SH3GL3: variants seen among roughly 807,000 people sequenced by gnomAD.
SH3GL3 encodes the protein SH3 domain containing GRB2 like 3, endophilin A3, also known as endophilin-A3.
A neutral mutation model predicts 47.7 loss-of-function variants in SH3GL3; 33 were observed. That is an observed-to-expected ratio of 0.69 (90% CI 0.52 to 0.92). The LOEUF (loss-of-function observed/expected upper bound fraction) is 0.92, where lower values mean the gene tolerates loss of function less well. SH3GL3 is among the 40% of genes least tolerant of loss of function. The pLI is 0.00. For missense variants in SH3GL3, 363 were observed against 417.8 expected (o/e 0.87, Z 1.14); for synonymous variants, 155 against 148.8 (o/e 1.04, Z -0.30).
At chr15:83,521,442 G>A (rs1596169266) in intron 1 of SH3GL3, among the ~76,000 whole-genome samples, 1 of 152,288 alleles carries the variant, frequency 6.6e-6, no homozygotes, top group Non-Finnish European at 1.5e-5. Flanking sequence ...TACCTTGGAT[G>A]GTGCTGAGGA....
chr15:83,518,300 T>C (rs1263168882), intron 1 of SH3GL3, among the ~76,000 whole-genome samples: 1 of 152,258 alleles, frequency 6.6e-6, no homozygotes, highest in Non-Finnish European at 1.5e-5. Flanking sequence ...TTAAGTTCTT[T>C]GAGAAATCTC....
In SH3GL3 at chr15:83,618,038, C is replaced by T. The variant is rs1233846995; in HGVS notation, c.839-44C>T. On this transcript the variant is annotated intron_variant, in intron 8 of 8. Transcript: ENST00000427482. ...CATTTCCAATTTCCCATGGATAATCCATCATGTTCATCTGTACTTTTTGTC... is the reference window on the plus strand; with the variant it reads ...CATTTCCAATTTCCCATGGATAATCTATCATGTTCATCTGTACTTTTTGTC... 11 of 1,240,396 alleles carry T rather than the reference C, an allele frequency of 8.9e-6. No individual in the cohort carries two copies. The East Asian group carries it at 2.5e-4, about 29-fold the overall frequency. 76.8% of individuals were successfully genotyped at this position (1,240,396 alleles called of 1,614,324 possible). A position where few individuals can be genotyped will look rare whatever the true frequency, so the allele number is the denominator to read the frequency against.
chr15:83,586,432 G>A (rs142680063), intron 6 of SH3GL3, among the ~76,000 whole-genome samples: 165 of 152,300 alleles, frequency 1.1e-3, no homozygotes, highest in South Asian at 2.1e-3. Flanking sequence ...GGGAAAATAT[G>A]TTGAGTGGAT....
At chr15:83,470,029 G>C (rs959341621) in intron 1 of SH3GL3, among the ~76,000 whole-genome samples, 1 of 151,964 alleles carries the variant, frequency 6.6e-6, no homozygotes, top group African/African-American at 2.4e-5. Context: ...TGTCTACTTG[G>C]TGCACTCACT....
intron 1 of SH3GL3, among the ~76,000 whole-genome samples, chr15:83,525,452 G>T (rs1450361294): frequency 2.0e-5 from 3 of 151,604 alleles, no homozygotes; most frequent in Admixed American, 2.0e-4. Flanking sequence ...TTGTGAATAT[G>T]TTCTCCCATT....
chr15:83,544,801 AG>A (rs931856114), intron 1 of SH3GL3, among the ~76,000 whole-genome samples: 1 of 152,138 alleles, frequency 6.6e-6, no homozygotes, highest in Non-Finnish European at 1.5e-5. Flanking sequence ...ACAATATTCC[AG>A]GATAAAATCT....
At chr15:83,517,686 C>T (rs1478086978) in intron 1 of SH3GL3, among the ~76,000 whole-genome samples, 1 of 151,896 alleles carries the variant, frequency 6.6e-6, no homozygotes, top group Non-Finnish European at 1.5e-5. Flanking sequence ...GGATATAAGC[C>T]CTTGTCGGTT....
At chr15:83,540,612 GTTTTC>G (rs1267407226) in intron 1 of SH3GL3, among the ~76,000 whole-genome samples, 2 of 151,930 alleles carry the variant, frequency 1.3e-5, no homozygotes, top group African/African-American at 4.8e-5. Context: ...TGATGTTAGT[GTTTTC>G]TTTTTTTAAA....
chr15:83,587,749 T>C (rs1265213016), intron 7 of SH3GL3, among the ~76,000 whole-genome samples: 3 of 152,196 alleles, frequency 2.0e-5, no homozygotes, highest in Non-Finnish European at 4.4e-5. Context: ...GTCTATACTT[T>C]TCTGAAAATT....
chr15:83,589,893 T>C (rs1489886948), intron 8 of SH3GL3, among the ~76,000 whole-genome samples: 1 of 152,224 alleles, frequency 6.6e-6, no homozygotes, highest in African/African-American at 2.4e-5. Flanking sequence ...CCTTTATCAC[T>C]GTGCTGGCTA....
At chr15:83,565,417 G>T in intron 3 of SH3GL3, 1 of 502,366 alleles carries the variant, frequency 2.0e-6, no homozygotes, top group Non-Finnish European at 3.5e-6. Flanking sequence ...AATTTCAGTT[G>T]ACATCATCCG....
chr15:83,578,284 C>G (rs367806037), intron 6 of SH3GL3, among the ~76,000 whole-genome samples: 47 of 152,284 alleles, frequency 3.1e-4, no homozygotes, highest in African/African-American at 1.1e-3. Flanking sequence ...TGCCTCCCTC[C>G]GGAGCCCCTG....
intron 1 of SH3GL3, among the ~76,000 whole-genome samples, chr15:83,449,377 G>GTGAGC (rs1319486195): frequency 6.6e-6 from 1 of 152,102 alleles, no homozygotes. Flanking sequence ...GAGTGCTGCT[G>GTGAGC]TGAGCAGAGC....
At chr15:83,496,219 T>C (rs571300934) in intron 1 of SH3GL3, among the ~76,000 whole-genome samples, 2 of 151,546 alleles carry the variant, frequency 1.3e-5, no homozygotes, top group African/African-American at 4.8e-5. Flanking sequence ...TAGCCAGGCG[T>C]GGTGGTGCAC....
chr15:83,603,152 A>G (rs534590888), intron 8 of SH3GL3, among the ~76,000 whole-genome samples: 40 of 152,008 alleles, frequency 2.6e-4, no homozygotes, highest in Non-Finnish European at 5.0e-4. Context: ...GGCATGCACC[A>G]CCACGCCTGG....
At chr15:83,551,962 C>G (rs1193297897) in intron 1 of SH3GL3, among the ~76,000 whole-genome samples, 1 of 152,178 alleles carries the variant, frequency 6.6e-6, no homozygotes, top group Non-Finnish European at 1.5e-5. Flanking sequence ...CTTCTTATCT[C>G]CCTGGTGAAC....
chr15:83,607,631 C>T (rs555889732), intron 8 of SH3GL3, among the ~76,000 whole-genome samples: 1 of 152,150 alleles, frequency 6.6e-6, no homozygotes, highest in African/African-American at 2.4e-5. Context: ...CATAGCTAGC[C>T]TTTCTGATTT....
chr15:83,531,712 G>A (rs1251531298), intron 1 of SH3GL3, among the ~76,000 whole-genome samples: 4 of 152,168 alleles, frequency 2.6e-5, no homozygotes, highest in Non-Finnish European at 4.4e-5. Flanking sequence ...GGCTGTTAGA[G>A]CAGTTCAGAG....
intron 1 of SH3GL3, among the ~76,000 whole-genome samples, chr15:83,534,607 G>T (rs2043823589): frequency 6.6e-6 from 1 of 152,064 alleles, no homozygotes; most frequent in Non-Finnish European, 1.5e-5. Context: ...TAAGAAAAAT[G>T]AATAAAATTT....
Sources: gnomAD v4.1 joint callset for allele counts (sites outside exome capture counted in the v4.1 genomes callset) on GRCh38, gnomAD v4.1.1 for gene constraint, MANE v1.5 for transcripts, NCBI Gene and HGNC (gene_info 2026-07-23, HGNC 2026-07-21) for gene names.